Variants in PLA2G2C observed in about 807,000 individuals in gnomAD.
PLA2G2C encodes phospholipase A2 group IIC.
Under a neutral mutation model 14.3 loss-of-function variants are expected in PLA2G2C, and 15 were observed. That is an observed-to-expected ratio of 1.05 (90% CI 0.70 to 1.62). The LOEUF is 1.62. Ranked by LOEUF, PLA2G2C falls within the 40% of genes most tolerant of loss-of-function variation. The probability of loss-of-function intolerance (pLI) is 0.00; values close to 1 mark genes in which losing one functional copy is unlikely to be tolerated. For synonymous variants in PLA2G2C, 79 were observed against 67.7 expected (o/e 1.17, Z -0.82); for missense variants, 162 against 173.2 (o/e 0.94, Z 0.36).
At chr1:20,178,821 G>A (rs925001195) in intron 1 of PLA2G2C, among the ~76,000 whole-genome samples, 1 of 152,236 alleles carries the variant, frequency 6.6e-6, no homozygotes, top group African/African-American at 2.4e-5. Flanking sequence ...AAGCTGCCAA[G>A]CTGGCTAGAG....
At chr1:20,178,410 C>T (rs936593642) in intron 1 of PLA2G2C, among the ~76,000 whole-genome samples, 3 of 152,168 alleles carry the variant, frequency 2.0e-5, no homozygotes, top group African/African-American at 7.2e-5. Flanking sequence ...GGCAAAGCTT[C>T]CAAGGAAAAC....
intron 1 of PLA2G2C, among the ~76,000 whole-genome samples, chr1:20,182,956 C>A (rs902369736): frequency 2.6e-5 from 4 of 152,216 alleles, no homozygotes; most frequent in African/African-American, 9.7e-5. Context: ...CTTGCTGGAT[C>A]GCTCAGTGGA....
At chr1:20,175,278 C>A in intron 2 of PLA2G2C, 133 bp from the exon 3 acceptor site, 1 of 1,314,348 alleles carries the variant, frequency 7.6e-7, no homozygotes, top group Non-Finnish European at 1.1e-6. Context: ...GTGCAAGGGG[C>A]ATGGCTGGAA....
At chr1:20,169,805 G>T (rs2018038471) in intron 4 of PLA2G2C, among the ~76,000 whole-genome samples, 1 of 152,218 alleles carries the variant, frequency 6.6e-6, no homozygotes, top group South Asian at 2.1e-4. Context: ...ATTAGACCCA[G>T]TGTTGCCCGA....
chr1:20,179,708 TTG>T (rs1466419330), intron 1 of PLA2G2C, among the ~76,000 whole-genome samples: 1 of 146,564 alleles, frequency 6.8e-6, no homozygotes, highest in African/African-American at 2.6e-5. Flanking sequence ...AGCTTCTCCC[TTG>T]TGTGTCAGCT....
At chr1:20,168,669 G>A (rs2018018124) in intron 4 of PLA2G2C, among the ~76,000 whole-genome samples, 1 of 152,238 alleles carries the variant, frequency 6.6e-6, no homozygotes, top group African/African-American at 2.4e-5. Flanking sequence ...CTTTGGCAGA[G>A]GGAGGCAGTC....
rs2017934439 is a variant in PLA2G2C at position 20,164,175 on chromosome 1, G to T, written c.284-18C>A. The T allele has an allele frequency of 6.2e-7, 1 of 1,603,298 alleles. No homozygotes were observed. Among genetic ancestry groups the T allele is most frequent in the Non-Finnish European group, 8.5e-7 (1 of 1,174,608 alleles). On this transcript the variant is annotated intron_variant, in intron 4 of 4. Transcript: ENST00000679259. ...GCATCCACCTACAGAGACACAGAGG[G>T]TCACTGGGGGCTCCCAGCCCAGCCC...
intron 4 of PLA2G2C, among the ~76,000 whole-genome samples, chr1:20,165,759 CATGT>C (rs1412837335): frequency 1.3e-5 from 2 of 151,676 alleles, no homozygotes; most frequent in Non-Finnish European, 2.9e-5. Flanking sequence ...TCCATGTGTG[CATGT>C]GTGTGTATGT....
At chr1:20,167,817 C>T (rs2018002496) in intron 4 of PLA2G2C, among the ~76,000 whole-genome samples, 2 of 152,232 alleles carry the variant, frequency 1.3e-5, no homozygotes, top group Admixed American at 6.5e-5. Flanking sequence ...GACCAAATGC[C>T]ACCTCCCCAG....
intron 4 of PLA2G2C, among the ~76,000 whole-genome samples, chr1:20,165,289 C>T (rs1331468834): frequency 6.6e-6 from 1 of 152,234 alleles, no homozygotes; most frequent in Non-Finnish European, 1.5e-5. Flanking sequence ...TCAAATTTCA[C>T]CTCCTCAGAG....
intron 4 of PLA2G2C, among the ~76,000 whole-genome samples, chr1:20,168,773 G>A (rs982261949): frequency 1.3e-5 from 2 of 152,324 alleles, no homozygotes; most frequent in South Asian, 4.1e-4. Context: ...ACATGTATGT[G>A]CATGTGGGCG....
chr1:20,166,484 A>T (rs2017981876), intron 4 of PLA2G2C, among the ~76,000 whole-genome samples: 1 of 150,364 alleles, frequency 6.7e-6, no homozygotes, highest in Non-Finnish European at 1.5e-5. Context: ...GGTAGCCCCC[A>T]CTCTCTCAGG....
At position 20,175,056 on chromosome 1, in the gene PLA2G2C, A is replaced by G; in HGVS notation, c.130T>C (p.Cys44Arg). 2 of 1,614,040 alleles carry G rather than the reference A, an allele frequency of 1.2e-6. No individual in the cohort carries two copies. The highest frequency in any genetic ancestry group is 1.7e-6 in the Non-Finnish European group (2 of 1,179,922). The change falls in exon 3 of 5, where the codon TGC becomes CGC. Residue 44 changes from cysteine (C) to arginine (R), a missense_variant. Coordinates refer to ENST00000679259, the MANE Select transcript of PLA2G2C (RefSeq NM_001367969.2). ...CCTTTATCCCCAAGCCCACAGTAGC[A>G]GCCATATCCGTAATATGAGAAGAAG... ...SAFFSYYGYGCYCGLGDKGIP... is the reference protein window; with the variant it reads ...SAFFSYYGYGRYCGLGDKGIP...
Position 20,175,001 on chromosome 1 carries a change from A to G in PLA2G2C, c.179+6T>C. The G allele has an allele frequency of 6.2e-7, 1 of 1,612,168 alleles. No homozygotes were observed. The highest frequency in any genetic ancestry group is 8.5e-7 in the Non-Finnish European group (1 of 1,179,024). Reference sequence around the variant, plus strand: ...TGATAAGTGGCCTTAGAGCCTCTGCACCCACCTGTCAGTGTCATCCACGGG... The same window carrying G: ...TGATAAGTGGCCTTAGAGCCTCTGCGCCCACCTGTCAGTGTCATCCACGGG... On this transcript the variant is annotated splice_donor_region_variant and intron_variant, in intron 3 of 4. Transcript: ENST00000679259.
At chr1:20,164,969 C>T (rs554648038) in intron 4 of PLA2G2C, among the ~76,000 whole-genome samples, 92 of 152,356 alleles carry the variant, frequency 6.0e-4, no homozygotes, top group African/African-American at 1.6e-3. Flanking sequence ...AAACTGTAAC[C>T]CGAGTTACGT....
intron 4 of PLA2G2C, among the ~76,000 whole-genome samples, chr1:20,166,315 C>T (rs1373624379): frequency 1.3e-5 from 2 of 152,180 alleles, no homozygotes; most frequent in African/African-American, 2.4e-5. Flanking sequence ...CCTCCCTGCT[C>T]GCCCGCAGGG....
intron 1 of PLA2G2C, among the ~76,000 whole-genome samples, chr1:20,178,674 GT>G (rs949308542): frequency 2.0e-5 from 3 of 152,214 alleles, no homozygotes; most frequent in African/African-American, 7.2e-5. Flanking sequence ...AAGGGGCTCA[GT>G]TCTTTTGAAT....
intron 1 of PLA2G2C, among the ~76,000 whole-genome samples, chr1:20,179,735 AGTGTGT>A (rs3035013): frequency 0.042 from 4,684 of 111,506 alleles, 80 homozygotes; most frequent in East Asian, 0.097. Flanking sequence ...CCTCTATGTC[AGTGTGT>A]GTGTGTGTGT....
chr1:20,178,618 CTCTTT>C (rs2018227835), intron 1 of PLA2G2C, among the ~76,000 whole-genome samples: 1 of 152,118 alleles, frequency 6.6e-6, no homozygotes, highest in South Asian at 2.1e-4. Flanking sequence ...CTTCCTTTTT[CTCTTT>C]TGAGTCTAAA....
Sources: allele counts gnomAD v4.1 joint callset (sites outside exome capture counted in the v4.1 genomes callset), GRCh38; gene constraint gnomAD v4.1.1; transcripts MANE v1.5; gene names NCBI Gene and HGNC (gene_info 2026-07-23, HGNC 2026-07-21).